Variants in DENND1A observed in about 807,000 individuals in gnomAD.
DENND1A encodes DENN domain containing 1A, also known as DENN domain-containing protein 1A.
In DENND1A, 51 loss-of-function variants were observed where a neutral mutation model predicts 113.7. The observed-to-expected ratio is 0.45, with a 90% CI of 0.36 to 0.57. The LOEUF (loss-of-function observed/expected upper bound fraction) is 0.57. Ranked by LOEUF, DENND1A falls within the 20% of genes least tolerant of loss-of-function variation. DENND1A has a pLI of 0.00. For synonymous variants in DENND1A, 565 were observed against 570.8 expected (o/e 0.99, Z 0.14); for missense variants, 1,258 against 1,395.9 (o/e 0.90, Z 1.57).
intron 3 of DENND1A, among the ~76,000 whole-genome samples, chr9:123,789,997 G>C (rs1162504813): frequency 2.6e-5 from 4 of 152,018 alleles, no homozygotes; most frequent in East Asian, 3.8e-4. Flanking sequence ...GTGTGTGTGT[G>C]TGTGTGTCTG....
At chr9:123,891,169 G>T (rs570155484) in intron 1 of DENND1A, among the ~76,000 whole-genome samples, 6 of 152,164 alleles carry the variant, frequency 3.9e-5, no homozygotes, top group African/African-American at 1.4e-4. Flanking sequence ...GAATTACAGA[G>T]TGGTGCCTTC....
intron 2 of DENND1A, among the ~76,000 whole-genome samples, chr9:123,841,632 T>A (rs1841853739): frequency 1.3e-5 from 2 of 152,186 alleles, no homozygotes; most frequent in Admixed American, 6.5e-5. Flanking sequence ...AGAACAAGCT[T>A]ACTTTAGGGA....
intron 5 of DENND1A, among the ~76,000 whole-genome samples, chr9:123,694,628 T>C (rs1361481056): frequency 6.6e-6 from 1 of 152,242 alleles, no homozygotes; most frequent in African/African-American, 2.4e-5. Context: ...CTTGTCTGAA[T>C]GTATAGTAGT....
chr9:123,579,905 G>A (rs564332295), intron 12 of DENND1A, among the ~76,000 whole-genome samples: 1 of 152,198 alleles, frequency 6.6e-6, no homozygotes, highest in African/African-American at 2.4e-5. Flanking sequence ...TGAGTATAGA[G>A]GCCCAAGCTG....
rs181525590 is a variant in DENND1A at position 123,381,950 on chromosome 9, T to C, written c.2695A>G (p.Met899Val). The C allele has an allele frequency of 6.9e-7, 1 of 1,445,342 alleles. No homozygotes were observed. Among genetic ancestry groups the C allele is most frequent in the African/African-American group, 1.5e-5 (1 of 65,270 alleles). The allele number at this position is 1,445,342 out of a possible 1,614,324, so 89.5% of individuals were successfully genotyped here. ...QPPLNPFVPS[M>V]PAAPPTLPLV... is the part of the protein sequence containing the mutation. ...GGCAGGGTGGGTGGGGCTGCTGGCA[T>C]GGATGGGACAAAGGGGTTGAGTGGT... is the stretch of plus-strand genomic sequence containing the variant. The change falls in exon 24 of 24, where the codon ATG becomes GTG. Residue 899 changes from methionine (M) to valine (V), a missense_variant. Physicochemically the swap from Met to Val is conservative, Grantham distance 21. Coordinates refer to ENST00000394215, the MANE Select transcript of DENND1A (RefSeq NM_001352964.2). This position sits in a 1 kb window ranked among gnomAD's most constrained non-coding sequence, Gnocchi z 4.7.
intron 2 of DENND1A, among the ~76,000 whole-genome samples, chr9:123,827,412 T>C (rs1008277657): frequency 3.4e-4 from 51 of 148,562 alleles, no homozygotes; most frequent in African/African-American, 1.2e-3. Context: ...TATATATATA[T>C]ATATAGGTGG....
chr9:123,664,389 T>G (rs1250834686), intron 8 of DENND1A, among the ~76,000 whole-genome samples: 1 of 152,098 alleles, frequency 6.6e-6, no homozygotes, highest in African/African-American at 2.4e-5. Flanking sequence ...GTTTAAAATT[T>G]TATTCTTTTC....
At chr9:123,447,992 G>A (rs762010219) in intron 18 of DENND1A, among the ~76,000 whole-genome samples, 5 of 152,164 alleles carry the variant, frequency 3.3e-5, no homozygotes, top group Non-Finnish European at 7.3e-5. Context: ...AAATCTGTAC[G>A]ACCGAAGGGG....
At chr9:123,527,305 T>C (rs1031294641) in intron 13 of DENND1A, among the ~76,000 whole-genome samples, 1 of 152,180 alleles carries the variant, frequency 6.6e-6, no homozygotes, top group African/African-American at 2.4e-5. Flanking sequence ...ACTACTACCA[T>C]AGCCACCTTA....
At chr9:123,853,109 G>A (rs189343796) in intron 2 of DENND1A, among the ~76,000 whole-genome samples, 73 of 151,584 alleles carry the variant, frequency 4.8e-4, no homozygotes, top group African/African-American at 1.7e-3. Flanking sequence ...TAGTAGACAC[G>A]AGGTTTCACC....
intron 10 of DENND1A, among the ~76,000 whole-genome samples, chr9:123,622,261 C>A (rs1261033965): frequency 6.6e-6 from 1 of 152,152 alleles, no homozygotes; most frequent in Non-Finnish European, 1.5e-5. Flanking sequence ...TATTTTATCA[C>A]AAATGTGTGT....
At chr9:123,440,965 CG>C in intron 18 of DENND1A, among the ~76,000 whole-genome samples, 1 of 152,224 alleles carries the variant, frequency 6.6e-6, no homozygotes, top group African/African-American at 2.4e-5. Flanking sequence ...TAATATACCA[CG>C]ATTCAATATT....
At chr9:123,809,327 T>G (rs1836148955) in intron 2 of DENND1A, among the ~76,000 whole-genome samples, 1 of 152,218 alleles carries the variant, frequency 6.6e-6, no homozygotes, top group South Asian at 2.1e-4. Flanking sequence ...TCTTAAAATG[T>G]TGGACTGGAA....
At chr9:123,765,062 T>C (rs1172508493) in intron 4 of DENND1A, among the ~76,000 whole-genome samples, 1 of 152,228 alleles carries the variant, frequency 6.6e-6, no homozygotes, top group Non-Finnish European at 1.5e-5. Context: ...AAGATGTTAA[T>C]ACACTGGTCC....
At chr9:123,451,253 A>G (rs2047700546) in intron 17 of DENND1A, among the ~76,000 whole-genome samples, 1 of 152,216 alleles carries the variant, frequency 6.6e-6, no homozygotes, top group Non-Finnish European at 1.5e-5. Context: ...GTCATTTTAG[A>G]CCTGTGTGGT....
At chr9:123,507,947 A>G (rs1413032658) in intron 13 of DENND1A, among the ~76,000 whole-genome samples, 1 of 152,234 alleles carries the variant, frequency 6.6e-6, no homozygotes, top group Non-Finnish European at 1.5e-5. Flanking sequence ...AGTTCCTCTT[A>G]AAATGCATTG....
chr9:123,557,229 C>T (rs1475981525), intron 13 of DENND1A, among the ~76,000 whole-genome samples: 1 of 152,182 alleles, frequency 6.6e-6, no homozygotes, highest in Non-Finnish European at 1.5e-5. Context: ...TAAAGTGGAG[C>T]TGATCACCGC....
chr9:123,496,562 CT>C (rs1391505172), intron 13 of DENND1A, among the ~76,000 whole-genome samples: 1 of 152,230 alleles, frequency 6.6e-6, no homozygotes, highest in African/African-American at 2.4e-5. Context: ...ACAGAACACA[CT>C]TTGTTAATTA....
At chr9:123,442,987 T>C (rs2047039850) in intron 18 of DENND1A, among the ~76,000 whole-genome samples, 1 of 152,158 alleles carries the variant, frequency 6.6e-6, no homozygotes, top group South Asian at 2.1e-4. Context: ...AAGAAGAGTT[T>C]CCCTGTGTGG....
Sources: gnomAD v4.1 joint callset for allele counts (sites outside exome capture counted in the v4.1 genomes callset) on GRCh38, gnomAD v4.1.1 for gene constraint, Gnocchi (gnomAD v3.1) non-coding constraint, MANE v1.5 for transcripts, NCBI Gene and HGNC (gene_info 2026-07-23, HGNC 2026-07-21) for gene names.